Variants in DNM3 observed in about 807,000 individuals in gnomAD.
DNM3 encodes the protein dynamin 3, also known as dynamin-3.
A neutral mutation model predicts 101.6 loss-of-function variants in DNM3; 47 were observed. The ratio of observed to expected loss-of-function variants is 0.46; its 90% CI spans 0.37 to 0.59. The LOEUF (loss-of-function observed/expected upper bound fraction) is 0.59. DNM3 is among the 20% of genes least tolerant of loss of function. The pLI is 0.00. For synonymous variants in DNM3, 385 were observed against 387.9 expected (o/e 0.99, Z 0.09); for missense variants, 849 against 1,085.7 (o/e 0.78, Z 3.06).
chr1:172,261,575 C>G (rs2062652540), intron 15 of DNM3, among the ~76,000 whole-genome samples: 1 of 152,216 alleles, frequency 6.6e-6, no homozygotes, highest in African/African-American at 2.4e-5. Flanking sequence ...GTTGCTTTCT[C>G]AGATGCTGCT....
At chr1:172,258,446 C>T (rs1286988720) in intron 15 of DNM3, among the ~76,000 whole-genome samples, 1 of 151,926 alleles carries the variant, frequency 6.6e-6, no homozygotes, top group Non-Finnish European at 1.5e-5. Flanking sequence ...TCTCATTACT[C>T]ATTATTGGTT....
At chr1:172,101,090 C>T (rs1047224875) in intron 13 of DNM3, among the ~76,000 whole-genome samples, 1 of 152,088 alleles carries the variant, frequency 6.6e-6, no homozygotes, top group African/African-American at 2.4e-5. Flanking sequence ...TGCCTCTCCC[C>T]CTGAAAGAGC....
At chr1:171,892,805 T>C (rs2037407972) in intron 1 of DNM3, among the ~76,000 whole-genome samples, 1 of 152,190 alleles carries the variant, frequency 6.6e-6, no homozygotes, top group South Asian at 2.1e-4. Context: ...ATGTGTCACT[T>C]AGTTGACCTA....
chr1:172,022,206 G>A (rs957209475), intron 4 of DNM3, among the ~76,000 whole-genome samples: 1 of 152,108 alleles, frequency 6.6e-6, no homozygotes, highest in African/African-American at 2.4e-5. Context: ...TGCTTGAGAA[G>A]ATAATAGTAT....
chr1:172,036,593 G>T (rs1335503041), intron 6 of DNM3, among the ~76,000 whole-genome samples: 4 of 151,774 alleles, frequency 2.6e-5, no homozygotes, highest in South Asian at 2.1e-4. Context: ...GCTAGCCATA[G>T]GTAGAAAGCT....
At chr1:171,935,210 C>T (rs2041313522) in intron 2 of DNM3, among the ~76,000 whole-genome samples, 1 of 152,026 alleles carries the variant, frequency 6.6e-6, no homozygotes, top group African/African-American at 2.4e-5. Context: ...TAATTTCCAA[C>T]ACAATGCCTA....
At chr1:172,111,027 C>A (rs1258960338) in intron 13 of DNM3, among the ~76,000 whole-genome samples, 1 of 152,148 alleles carries the variant, frequency 6.6e-6, no homozygotes. Flanking sequence ...CAGAATGAGA[C>A]CTTGTCTCAA....
intron 1 of DNM3, among the ~76,000 whole-genome samples, chr1:171,907,326 T>C (rs752310869): frequency 4.6e-5 from 7 of 152,078 alleles, no homozygotes; most frequent in Non-Finnish European, 7.4e-5. Context: ...ACCCCGTCTC[T>C]ACTAAAAATA....
chr1:172,380,138 T>A (rs2068817362), intron 18 of DNM3, among the ~76,000 whole-genome samples: 1 of 152,004 alleles, frequency 6.6e-6, no homozygotes, highest in South Asian at 2.1e-4. Flanking sequence ...TGCTACAGAC[T>A]CTGTTGACCT....
chr1:171,906,250 C>G (rs1358084371), intron 1 of DNM3, among the ~76,000 whole-genome samples: 1 of 151,590 alleles, frequency 6.6e-6, no homozygotes, highest in Admixed American at 6.6e-5. Context: ...ATCTCAGCCT[C>G]CCGTATAGTT....
intron 14 of DNM3, among the ~76,000 whole-genome samples, chr1:172,232,646 C>T (rs1428533129): frequency 6.6e-6 from 1 of 152,190 alleles, no homozygotes; most frequent in Non-Finnish European, 1.5e-5. Context: ...AAATAAAGCA[C>T]TTCTCAGCAA....
intron 17 of DNM3, among the ~76,000 whole-genome samples, chr1:172,351,369 T>C (rs1330867615): frequency 6.6e-6 from 1 of 152,180 alleles, no homozygotes; most frequent in African/African-American, 2.4e-5. Context: ...TCTCCAAATA[T>C]TTGTTAAAAT....
intron 14 of DNM3, among the ~76,000 whole-genome samples, chr1:172,166,581 G>A (rs1009432406): frequency 2.0e-5 from 3 of 152,072 alleles, no homozygotes; most frequent in East Asian, 1.9e-4. Context: ...GTAATCCAAC[G>A]TGGGTTTTAA....
chr1:172,123,742 C>T (rs964851192), intron 13 of DNM3, among the ~76,000 whole-genome samples: 1 of 151,644 alleles, frequency 6.6e-6, no homozygotes. Context: ...AGTGAGGAAA[C>T]AACAAGAGTG....
intron 2 of DNM3, among the ~76,000 whole-genome samples, chr1:171,984,707 C>T (rs979827079): frequency 3.9e-5 from 6 of 152,188 alleles, no homozygotes; most frequent in African/African-American, 7.2e-5. Context: ...ATTTAAGCTT[C>T]GTGAGCCTAG....
Position 171,909,964 on chromosome 1 carries a change from G to A in DNM3, c.162-11784G>A, listed in dbSNP as rs145612877. 7.6e-4 allele frequency among the ~76,000 whole-genome samples: 115 copies of A among 152,272 alleles called. 1 individual carries two copies. The highest frequency in any genetic ancestry group is 2.5e-3 in the African/African-American group (105 of 41,568). On this transcript the variant is annotated intron_variant, in intron 1 of 20. Coordinates refer to ENST00000627582, the MANE Select transcript of DNM3 (RefSeq NM_015569.5). ...TGTGGAATACTCTGGATGCCAGGGG[G>A]TTCATTTTATTCTGTATTTGAATTG... is the stretch of plus-strand genomic sequence containing the variant.
intron 1 of DNM3, among the ~76,000 whole-genome samples, chr1:171,915,700 G>A (rs2039657766): frequency 6.6e-6 from 1 of 152,100 alleles, no homozygotes; most frequent in South Asian, 2.1e-4. Flanking sequence ...ATGAGTTGTA[G>A]GGATGTTTAA....
intron 1 of DNM3, among the ~76,000 whole-genome samples, chr1:171,910,330 A>G (rs1254231063): frequency 6.6e-6 from 1 of 152,236 alleles, no homozygotes; most frequent in Non-Finnish European, 1.5e-5. Flanking sequence ...TTTAAATTGC[A>G]TGTCATTCTG....
intron 15 of DNM3, among the ~76,000 whole-genome samples, chr1:172,258,476 T>C (rs2062510390): frequency 6.6e-6 from 1 of 152,170 alleles, no homozygotes; most frequent in Non-Finnish European, 1.5e-5. Flanking sequence ...TTTTTATTTC[T>C]TTCTGATTCA....
Sources: gnomAD v4.1 joint callset for allele counts (sites outside exome capture counted in the v4.1 genomes callset) on GRCh38, gnomAD v4.1.1 for gene constraint, MANE v1.5 for transcripts, NCBI Gene and HGNC (gene_info 2026-07-23, HGNC 2026-07-21) for gene names.